SNTG1: variants seen among roughly 807,000 people sequenced by gnomAD.
SNTG1 encodes gamma-1-syntrophin.
Under a neutral mutation model 74.7 loss-of-function variants are expected in SNTG1, and 39 were observed. The ratio of observed to expected loss-of-function variants is 0.52; its 90% CI spans 0.40 to 0.68. The LOEUF is 0.68. SNTG1 is among the 30% of genes least tolerant of loss of function. The probability of loss-of-function intolerance (pLI) is 0.00; values close to 1 mark genes in which losing one functional copy is unlikely to be tolerated. For missense variants in SNTG1, 685 were observed against 609.5 expected (o/e 1.12, Z -1.30); for synonymous variants, 254 against 217.1 (o/e 1.17, Z -1.49).
chr8:49,960,639 G>A (rs1367553232), intron 1 of SNTG1, among the ~76,000 whole-genome samples: 2 of 152,048 alleles, frequency 1.3e-5, no homozygotes, highest in Non-Finnish European at 2.9e-5. Flanking sequence ...ACACATATAT[G>A]CAGAGACATA....
chr8:50,708,643 T>A (rs919118912), intron 16 of SNTG1: 19 of 480,568 alleles, frequency 4.0e-5, no homozygotes, highest in East Asian at 1.9e-4. Flanking sequence ...CAGACAAAAC[T>A]AGAGGGAGCA....
intron 13 of SNTG1, among the ~76,000 whole-genome samples, chr8:50,600,437 T>C (rs1158524486): frequency 1.3e-5 from 2 of 152,140 alleles, no homozygotes; most frequent in African/African-American, 4.8e-5. Flanking sequence ...TTTTCTTTAC[T>C]GGGAGACTCA....
intron 4 of SNTG1, among the ~76,000 whole-genome samples, chr8:50,432,661 A>G (rs1281248186): frequency 6.6e-6 from 1 of 151,958 alleles, no homozygotes. Flanking sequence ...TTATCTCTTC[A>G]TATGTTTTGA....
At chr8:50,162,270 A>G (rs1368676403) in intron 1 of SNTG1, among the ~76,000 whole-genome samples, 1 of 152,146 alleles carries the variant, frequency 6.6e-6, no homozygotes, top group Non-Finnish European at 1.5e-5. Flanking sequence ...TGCTGGCTAT[A>G]AGAAAGCACC....
intron 18 of SNTG1, among the ~76,000 whole-genome samples, chr8:50,758,072 T>A (rs1208383540): frequency 6.6e-6 from 1 of 151,972 alleles, no homozygotes; most frequent in African/African-American, 2.4e-5. Context: ...AACTGTTATA[T>A]GTTAGATAAA....
intron 8 of SNTG1, among the ~76,000 whole-genome samples, chr8:50,472,923 GA>G (rs1276379712): frequency 2.0e-5 from 3 of 151,988 alleles, no homozygotes; most frequent in Non-Finnish European, 4.4e-5. Context: ...AAAAACATAT[GA>G]AAAAATGCTC....
chr8:50,795,720 T>C lies in SNTG1; in HGVS notation c.*2891T>C, dbSNP rs562748347. The C allele has an allele frequency of 6.6e-6, 1 of 152,246 alleles. No individual in the cohort carries two copies. Among genetic ancestry groups the C allele is most frequent in the South Asian group, 2.1e-4 (1 of 4,832 alleles). 9.4% of individuals were successfully genotyped at this position (152,246 alleles called of 1,614,324 possible). ...AAAACTGCTAACTACTATAATAATG[T>C]CTTTTGCCTGATAAAGAATAACAAT... On this transcript the variant is annotated 3_prime_UTR_variant, in exon 19 of 19. Coordinates refer to ENST00000642720, the MANE Select transcript of SNTG1 (RefSeq NM_018967.5).
At chr8:50,497,722 C>T (rs1444487963) in intron 8 of SNTG1, among the ~76,000 whole-genome samples, 4 of 151,872 alleles carry the variant, frequency 2.6e-5, no homozygotes, top group African/African-American at 9.7e-5. Flanking sequence ...CTCATTTACC[C>T]TAAAAGTTTA....
chr8:50,732,339 A>G (rs1259237469), intron 17 of SNTG1, among the ~76,000 whole-genome samples: 1 of 151,862 alleles, frequency 6.6e-6, no homozygotes, highest in Non-Finnish European at 1.5e-5. Context: ...GGTTAATGTC[A>G]AGGCGTGCTA....
chr8:50,719,593 T>C (rs2095482926), intron 17 of SNTG1, among the ~76,000 whole-genome samples: 1 of 152,200 alleles, frequency 6.6e-6, no homozygotes, highest in Admixed American at 6.5e-5. Flanking sequence ...TTTTTTGCTA[T>C]TTTCATCACA....
intron 1 of SNTG1, among the ~76,000 whole-genome samples, chr8:50,080,315 A>G (rs886783717): frequency 2.6e-5 from 4 of 152,184 alleles, no homozygotes; most frequent in African/African-American, 9.6e-5. Flanking sequence ...AGAGTATACC[A>G]TATGCTATCC....
At chr8:50,737,721 C>T (rs529535904) in intron 17 of SNTG1, among the ~76,000 whole-genome samples, 8 of 152,126 alleles carry the variant, frequency 5.3e-5, no homozygotes, top group East Asian at 1.9e-4. Flanking sequence ...ATGATCACGT[C>T]GGCTTCATCC....
chr8:50,012,134 A>AT lies in SNTG1; in HGVS notation c.-103+99907dup, dbSNP rs373209018. Among the ~76,000 whole-genome samples the AT allele has an allele frequency of 3.6e-3, 551 of 152,278 alleles. 4 individuals are homozygous for AT. Among genetic ancestry groups the AT allele is most frequent in the African/African-American group, 0.013 (522 of 41,548 alleles). On this transcript the variant is annotated intron_variant, in intron 1 of 18. Transcript: ENST00000642720. ...TATTTTCACACACATGTTAATTTCA[A>AT]TTTTAAAAAGTGTTTTATTTCTTTA...
intron 12 of SNTG1, among the ~76,000 whole-genome samples, chr8:50,567,484 G>A (rs2094522582): frequency 6.6e-6 from 1 of 151,880 alleles, no homozygotes; most frequent in South Asian, 2.1e-4. Context: ...GTGTATAAAT[G>A]TATATGTATC....
chr8:50,776,032 T>A (rs1481231958), intron 18 of SNTG1, among the ~76,000 whole-genome samples: 2 of 151,536 alleles, frequency 1.3e-5, no homozygotes, highest in East Asian at 1.9e-4. Flanking sequence ...TTGGGTCATG[T>A]TTTTTAATCT....
At chr8:50,221,355 A>C (rs990005019) in intron 2 of SNTG1, among the ~76,000 whole-genome samples, 4 of 152,096 alleles carry the variant, frequency 2.6e-5, no homozygotes, top group Non-Finnish European at 5.9e-5. Flanking sequence ...GGGAATTAAA[A>C]TGGAAAACAA....
At chr8:50,328,910 C>G (rs182931253) in intron 2 of SNTG1, among the ~76,000 whole-genome samples, 6 of 152,296 alleles carry the variant, frequency 3.9e-5, no homozygotes, top group African/African-American at 1.2e-4. Context: ...ACCTGTGAAC[C>G]TGTAAAGTCA....
At chr8:50,643,059 A>G (rs80141159) in intron 13 of SNTG1, among the ~76,000 whole-genome samples, 2,081 of 152,258 alleles carry the variant, frequency 0.014, 53 homozygotes, top group African/African-American at 0.047. Flanking sequence ...TCTTGGCAAA[A>G]AAACAAACAA....
At chr8:50,308,455 C>T (rs1229631803) in intron 2 of SNTG1, among the ~76,000 whole-genome samples, 1 of 151,912 alleles carries the variant, frequency 6.6e-6, no homozygotes, top group Non-Finnish European at 1.5e-5. Flanking sequence ...GCTATCTTAC[C>T]TCCTTTTGTG....
Sources: allele counts gnomAD v4.1 joint callset (sites outside exome capture counted in the v4.1 genomes callset), GRCh38; gene constraint gnomAD v4.1.1; transcripts MANE v1.5; gene names NCBI Gene and HGNC (gene_info 2026-07-23, HGNC 2026-07-21).